The following TMEM132D variants were observed in gnomAD, a reference collection of about 807,000 sequenced individuals.
TMEM132D encodes the protein mature OL transmembrane protein.
Under a neutral mutation model 62.3 loss-of-function variants are expected in TMEM132D, and 21 were observed. The ratio of observed to expected loss-of-function variants is 0.34; its 90% CI spans 0.24 to 0.49. TMEM132D has a LOEUF of 0.49. Among genes scored for constraint, TMEM132D ranks in the 20% least tolerant of loss-of-function variants. The probability of loss-of-function intolerance (pLI) is 0.99; values close to 1 mark genes in which losing one functional copy is unlikely to be tolerated. For missense variants in TMEM132D, 1,346 were observed against 1,402.8 expected (o/e 0.96, Z 0.65); for synonymous variants, 621 against 575.6 (o/e 1.08, Z -1.13).
chr12:129,830,821 A>T (rs1313462125), intron 1 of TMEM132D, among the ~76,000 whole-genome samples: 1 of 152,150 alleles, frequency 6.6e-6, no homozygotes, highest in Non-Finnish European at 1.5e-5. Flanking sequence ...ACTCAAACCT[A>T]AGTGTTTAAC....
At chr12:129,215,424 T>C (rs1879174191) in intron 4 of TMEM132D, among the ~76,000 whole-genome samples, 1 of 152,150 alleles carries the variant, frequency 6.6e-6, no homozygotes, top group African/African-American at 2.4e-5. Context: ...ACAACAAACC[T>C]CCATGACACA....
chr12:129,403,650 G>A (rs1871685541), intron 3 of TMEM132D, among the ~76,000 whole-genome samples: 1 of 152,060 alleles, frequency 6.6e-6, no homozygotes, highest in South Asian at 2.1e-4. Flanking sequence ...CTTTGTGCCA[G>A]GGAAGAACAC....
At chr12:129,297,788 C>G (rs1258426820) in intron 4 of TMEM132D, among the ~76,000 whole-genome samples, 1 of 152,148 alleles carries the variant, frequency 6.6e-6, no homozygotes, top group East Asian at 1.9e-4. Context: ...TTGATTTCCT[C>G]GTCAGGCTGC....
intron 2 of TMEM132D, among the ~76,000 whole-genome samples, chr12:129,619,196 TC>T (rs1401271990): frequency 4.6e-5 from 7 of 152,168 alleles, no homozygotes; most frequent in African/African-American, 7.2e-5. Context: ...AAATCGATTT[TC>T]AGGTTAACTC....
At chr12:129,387,147 C>G (rs964552908) in intron 3 of TMEM132D, among the ~76,000 whole-genome samples, 3 of 152,062 alleles carry the variant, frequency 2.0e-5, no homozygotes, top group African/African-American at 4.8e-5. Flanking sequence ...CTAATACTAA[C>G]ACCAACACCA....
At chr12:129,240,243 AT>A (rs1267652411) in intron 4 of TMEM132D, among the ~76,000 whole-genome samples, 7 of 152,202 alleles carry the variant, frequency 4.6e-5, no homozygotes, top group Non-Finnish European at 7.3e-5. Context: ...TGCTTTATGT[AT>A]AAAATGACCC....
chr12:129,718,742 T>TA (rs1180014299), intron 1 of TMEM132D, among the ~76,000 whole-genome samples: 1 of 152,214 alleles, frequency 6.6e-6, no homozygotes, highest in Non-Finnish European at 1.5e-5. Flanking sequence ...CTTTCCCTCT[T>TA]ACTAGCTGTG....
rs113013840 is a variant in TMEM132D, at chr12:129,413,871, A to G, written c.1116-76054T>C. On this transcript the variant is annotated intron_variant, in intron 3 of 8. Transcript: ENST00000422113. ...TTCCTTTCATGAAAAGTCATACAAA[A>G]TATTAGAAACATCTTAGCTGGGCAT... Among the ~76,000 whole-genome samples the G allele has an allele frequency of 1.9e-3, 294 of 152,324 alleles. 2 individuals carry two copies. The highest frequency in any genetic ancestry group is 6.6e-3 in the African/African-American group (275 of 41,560).
At chr12:129,724,847 T>A (rs1239947197) in intron 1 of TMEM132D, among the ~76,000 whole-genome samples, 1 of 152,134 alleles carries the variant, frequency 6.6e-6, no homozygotes, top group Non-Finnish European at 1.5e-5. Flanking sequence ...GCTACTAAGT[T>A]TGTGGCAATT....
At chr12:129,157,867 A>G (rs1346883976) in intron 5 of TMEM132D, among the ~76,000 whole-genome samples, 1 of 152,182 alleles carries the variant, frequency 6.6e-6, no homozygotes, top group African/African-American at 2.4e-5. Flanking sequence ...AGAATGCTAG[A>G]TATTCTCTAT....
At chr12:129,378,917 C>G (rs2135685565) in intron 3 of TMEM132D, among the ~76,000 whole-genome samples, 1 of 152,250 alleles carries the variant, frequency 6.6e-6, no homozygotes, top group African/African-American at 2.4e-5. Flanking sequence ...TCTCGGCGTT[C>G]TTTTCAACCA....
At chr12:129,657,636 T>A (rs950871266) in intron 2 of TMEM132D, among the ~76,000 whole-genome samples, 3 of 152,206 alleles carry the variant, frequency 2.0e-5, no homozygotes, top group African/African-American at 7.2e-5. Flanking sequence ...TACGGGTAAG[T>A]TAATGGCAAA....
rs2135611291 is a variant in TMEM132D at position 129,078,636 on chromosome 12, C to A, written c.2013G>T (p.Gln671His). ...EKVTITDLGVQLVTGLSLSLQ... is the reference protein window; with the variant it reads ...EKVTITDLGVHLVTGLSLSLQ... ...AGGAGAGTGACAGCCCTGTCACCAGCTGCACCCCGAGGTCTGTGATGGTCA... is the reference window on the plus strand; with the variant it reads ...AGGAGAGTGACAGCCCTGTCACCAGATGCACCCCGAGGTCTGTGATGGTCA... Residue 671 changes from glutamine (Q) to histidine (H), a missense_variant, in exon 8 of 9, where the codon CAG (glutamine) becomes CAT (histidine). Coordinates refer to ENST00000422113, the MANE Select transcript of TMEM132D (RefSeq NM_133448.3). 6.2e-7 allele frequency: 1 copy of A among 1,614,196 alleles called. No homozygotes were observed. Among genetic ancestry groups the A allele is most frequent in the East Asian group, 2.2e-5 (1 of 44,874 alleles).
chr12:129,200,171 G>A (rs1333359835), intron 5 of TMEM132D, among the ~76,000 whole-genome samples: 5 of 152,014 alleles, frequency 3.3e-5, no homozygotes, highest in South Asian at 2.1e-4. Flanking sequence ...CCTGTATCCC[G>A]CAGGTGGTCA....
intron 5 of TMEM132D, among the ~76,000 whole-genome samples, chr12:129,090,617 A>G (rs1296956436): frequency 1.3e-5 from 2 of 152,166 alleles, no homozygotes; most frequent in Non-Finnish European, 2.9e-5. Flanking sequence ...GCAGTGAGCC[A>G]AGATTGTGCC....
At chr12:129,227,070 C>A (rs1415457552) in intron 4 of TMEM132D, among the ~76,000 whole-genome samples, 2 of 151,914 alleles carry the variant, frequency 1.3e-5, no homozygotes, top group East Asian at 1.9e-4. Context: ...TACTGAAATC[C>A]CCTCAAGGAG....
Position 129,867,999 on chromosome 12 carries a change from C to CGGCGTTTCTATGGTACATACATGAGGT in TMEM132D, c.79+35235_79+35261dup, listed in dbSNP as rs1874109267. On this transcript the variant is annotated intron_variant, in intron 1 of 8. Transcript: ENST00000422113. The surrounding 1 kb of genome is among the most constrained non-coding windows in gnomAD (Gnocchi z 4.5). Reference sequence around the variant, plus strand: ...GCATTTGTACGGTACACACATGAGGCGGCGTTTCTATGGTACATACATGAG... The same window carrying CGGCGTTTCTATGGTACATACATGAGGT: ...GCATTTGTACGGTACACACATGAGGCGGCGTTTCTATGGTACATACATGAGGTGGCGTTTCTATGGTACATACATGAG... Among the ~76,000 whole-genome samples the CGGCGTTTCTATGGTACATACATGAGGT allele has an allele frequency of 7.1e-6, 1 of 141,046 alleles. No individual in the cohort carries two copies. The highest frequency in any genetic ancestry group is 1.6e-5 in the Non-Finnish European group (1 of 64,384). 92.5% of individuals were successfully genotyped at this position (141,046 alleles called of 152,430 possible).
intron 4 of TMEM132D, among the ~76,000 whole-genome samples, chr12:129,221,777 A>G (rs1161556876): frequency 6.6e-6 from 1 of 152,068 alleles, no homozygotes. Flanking sequence ...TGTTTGGCCA[A>G]ACTCTGTTAT....
At chr12:129,242,270 A>G (rs1397349574) in intron 4 of TMEM132D, among the ~76,000 whole-genome samples, 1 of 152,244 alleles carries the variant, frequency 6.6e-6, no homozygotes, top group Admixed American at 6.5e-5. Flanking sequence ...GTTGTTTTCA[A>G]CCAAGAAGAG....
Sources: allele counts gnomAD v4.1 joint callset (sites outside exome capture counted in the v4.1 genomes callset), GRCh38; gene constraint gnomAD v4.1.1; non-coding constraint Gnocchi (gnomAD v3.1); transcripts MANE v1.5; gene names NCBI Gene and HGNC (gene_info 2026-07-23, HGNC 2026-07-21).